The following KCNK17 variants were observed in gnomAD, a reference collection of about 807,000 sequenced individuals.
KCNK17 encodes the protein potassium channel subfamily K member 17.
KCNK17 carries 27 observed loss-of-function variants against 24.6 expected under a neutral mutation model. The ratio of observed to expected loss-of-function variants is 1.10; its 90% CI spans 0.81 to 1.51. KCNK17 has a LOEUF of 1.51. KCNK17 is among the 40% of genes most tolerant of loss of function. The pLI, the probability that KCNK17 is intolerant of heterozygous loss-of-function variation, is 0.00. For missense variants in KCNK17, 450 were observed against 436.6 expected (o/e 1.03, Z -0.27); for synonymous variants, 181 against 189.8 (o/e 0.95, Z 0.38).
At chr6:39,310,441 G>C (rs535584333) in intron 2 of KCNK17, among the ~76,000 whole-genome samples, 2 of 151,846 alleles carry the variant, frequency 1.3e-5, no homozygotes, top group African/African-American at 2.4e-5. Context: ...AGAAACGGGG[G>C]GTCTAAAGCT....
rs1317208517 is a variant in KCNK17, at chr6:39,314,368, G to T, written c.-48C>A. On this transcript the variant is annotated 5_prime_UTR_variant, in exon 1 of 5. Transcript: ENST00000373231. ...CGCCGGGAGCGGTGGACTAGGACCC[G>T]GTGGGAGGGAAGGGCCAGGCGTCCA... 1.5e-6 allele frequency: 2 copies of T among 1,300,578 alleles called. No homozygotes were observed. Among genetic ancestry groups the T allele is most frequent in the Non-Finnish European group, 2.0e-6 (2 of 997,836 alleles). 80.6% of individuals were successfully genotyped at this position (1,300,578 alleles called of 1,614,324 possible). A position where few individuals can be genotyped will look rare whatever the true frequency, so the allele number is the denominator to read the frequency against.
Position 39,304,504 on chromosome 6 carries a change from G to T in KCNK17, c.504C>A (p.Gly168=). 1.2e-6 allele frequency: 2 copies of T among 1,612,390 alleles called. No individual in the cohort carries two copies. The highest frequency in any genetic ancestry group is 1.7e-6 in the Non-Finnish European group (2 of 1,178,654). ...CCAGCAGCCCCCTCACCTGCCAGGT[G>T]CCCCCCAGCCTGCTGGCCCAGTGGT... is the stretch of plus-strand genomic sequence containing the variant. ...GVNHWASRLG[G]TWQDPDKARW... Residue 168 remains glycine (G), a synonymous_variant, in exon 3 of 5, where the codon GGC becomes GGA. Transcript: ENST00000373231.
In KCNK17 at chr6:39,299,105, T is replaced by C; in HGVS notation, c.*322A>G. The C allele has an allele frequency of 2.9e-6, 1 of 340,180 alleles. No individual in the cohort carries two copies. Among genetic ancestry groups the C allele is most frequent in the Non-Finnish European group, 5.4e-6 (1 of 185,716 alleles). 21.1% of individuals were successfully genotyped at this position (340,180 alleles called of 1,614,324 possible). A position where few individuals can be genotyped will look rare whatever the true frequency, so the allele number is the denominator to read the frequency against. On this transcript the variant is annotated 3_prime_UTR_variant, in exon 5 of 5. Coordinates refer to ENST00000373231, the MANE Select transcript of KCNK17 (RefSeq NM_031460.4). Reference sequence around the variant, plus strand: ...GATCATCAGAGATCCAGACTCTTCCTATCTTATTGTGCCGCTCAAACATTG... The same window carrying C: ...GATCATCAGAGATCCAGACTCTTCCCATCTTATTGTGCCGCTCAAACATTG...
intron 4 of KCNK17, among the ~76,000 whole-genome samples, chr6:39,303,200 C>G (rs1049838807): frequency 6.6e-5 from 10 of 152,184 alleles, no homozygotes; most frequent in African/African-American, 2.4e-4. Flanking sequence ...AGGGCAAGGC[C>G]TCCTCCCCAC....
chr6:39,304,453 C>T, intron 3 of KCNK17, 42 bp downstream of exon 3: 1 of 1,555,516 alleles, frequency 6.4e-7, no homozygotes, highest in Non-Finnish European at 8.9e-7. Context: ...GCCCCTCATT[C>T]TAGAAGTGAC....
At position 39,304,079 on chromosome 6, in the gene KCNK17, AG is replaced by A. The variant is rs779466744; in HGVS notation, c.565del (p.Leu189SerfsTer40). 1.8e-4 allele frequency: 285 copies of A among 1,612,612 alleles called. 1 individual carries two copies. The African/African-American group carries it at 3.3e-3, about 19-fold the overall frequency. ...LAGSGALLSG[L>X]LLFLLLPPLL... ...CGGTGGCAGCAGCAGGAAGAGCAGG[AG>A]GCCCGAGAGGAGGGCGCCAGAGCCC... On this transcript the variant is annotated frameshift_variant, in exon 4 of 5. Coordinates refer to ENST00000373231, the MANE Select transcript of KCNK17 (RefSeq NM_031460.4). LOFTEE classifies it high-confidence loss of function.
chr6:39,300,249 A>G, intron 4 of KCNK17: 3 of 540,096 alleles, frequency 5.6e-6, no homozygotes. Context: ...CAGCCTCCCG[A>G]GTAGCCGGGA....
intron 4 of KCNK17, among the ~76,000 whole-genome samples, chr6:39,301,093 C>T (rs1761944396): frequency 6.6e-6 from 1 of 152,186 alleles, no homozygotes; most frequent in African/African-American, 2.4e-5. Context: ...TTGCTTGTTT[C>T]ACTCACCATC....
chr6:39,314,294 A>T lies in KCNK17; in HGVS notation c.27T>A (p.Ala9=). 6.8e-7 allele frequency: 1 copy of T among 1,466,090 alleles called. No individual in the cohort carries two copies. Among genetic ancestry groups the T allele is most frequent in the South Asian group, 1.3e-5 (1 of 74,684 alleles). The allele number at this position is 1,466,090 out of a possible 1,614,324, so 90.8% of individuals were successfully genotyped here. MYRPRARA[A]PEGRVRGCAV... ...CGCAGCCCCGGACCCTGCCCTCGGG[A>T]GCCGCCCGGGCTCGCGGTCGGTACA... The change falls in exon 1 of 5, where the codon GCT becomes GCA. Residue 9 remains alanine, a synonymous_variant. Transcript: ENST00000373231.
chr6:39,300,314 G>A lies in KCNK17; in HGVS notation c.689-577C>T, dbSNP rs374520023. 4.4e-6 allele frequency: 3 copies of A among 680,950 alleles called. No homozygotes were observed. The African/African-American group carries it at 5.4e-5, about 12-fold the overall frequency. The allele number at this position is 680,950 out of a possible 1,614,324, so 42.2% of individuals were successfully genotyped here. ...TTTTTTTGTATTTTAGTAGAGACGG[G>A]GTTTCACCATTGTTGCCCAGGCTGG... On this transcript the variant is annotated intron_variant, in intron 4 of 4. Coordinates refer to ENST00000373231, the MANE Select transcript of KCNK17 (RefSeq NM_031460.4).
At chr6:39,305,112 A>G (rs554975674) in intron 2 of KCNK17, among the ~76,000 whole-genome samples, 1 of 152,338 alleles carries the variant, frequency 6.6e-6, no homozygotes, top group East Asian at 1.9e-4. Context: ...ATGCTTGGGC[A>G]CAGTGGGGCA....
chr6:39,302,137 C>T (rs904359255), intron 4 of KCNK17, among the ~76,000 whole-genome samples: 1 of 152,190 alleles, frequency 6.6e-6, no homozygotes, highest in Admixed American at 6.5e-5. Context: ...CGAGGCACTG[C>T]CATGACTGCA....
At chr6:39,313,985 T>A (rs376072815) in intron 1 of KCNK17, 99 bp downstream of exon 1, 1 of 917,274 alleles carries the variant, frequency 1.1e-6, no homozygotes, top group South Asian at 1.9e-5. Context: ...AGGAAACACC[T>A]GACCAGGGCC....
Position 39,299,707 on chromosome 6 carries a change from C to T in KCNK17, c.719G>A (p.Trp240Ter), listed in dbSNP as rs772960393. The part of the protein sequence containing the change: ...GMNPSQRYPL[W>*]YKNMVSLWIL... ...CCACAGGGACACCATGTTCTTGTAC[C>T]ACAGTGGGTACCTCTGGGAGGGGTT... Residue 240 changes from tryptophan to a stop codon, truncating the protein, a stop_gained, in exon 5 of 5, where the codon TGG (tryptophan) becomes TAG (stop). Transcript: ENST00000373231. LOFTEE classifies it low-confidence loss of function (END_TRUNC). The T allele has an allele frequency of 3.7e-6, 6 of 1,614,126 alleles. No homozygotes were observed. The highest frequency in any genetic ancestry group is 5.1e-6 in the Non-Finnish European group (6 of 1,180,018).
intron 1 of KCNK17, among the ~76,000 whole-genome samples, chr6:39,313,418 C>G (rs1045639671): frequency 6.6e-6 from 1 of 152,208 alleles, no homozygotes; most frequent in Admixed American, 6.5e-5. Flanking sequence ...GCCCTCCTCT[C>G]GAACCCGGGT....
At chr6:39,311,086 AC>A in intron 1 of KCNK17, 79 bp from the exon 2 acceptor site, 3 of 386,724 alleles carry the variant, frequency 7.8e-6, no homozygotes, top group South Asian at 4.2e-5. Context: ...ACACACACAC[AC>A]ACACACACAC....
chr6:39,314,307 C>G lies in KCNK17; in HGVS notation c.14G>C (p.Arg5Pro). 3.4e-6 allele frequency: 5 copies of G among 1,458,082 alleles called. No homozygotes were observed. Among genetic ancestry groups the G allele is most frequent in the Non-Finnish European group, 4.5e-6 (5 of 1,109,008 alleles). 90.3% of individuals were successfully genotyped at this position (1,458,082 alleles called of 1,614,324 possible). MYRP[R>P]ARAAPEGRVR... ...CCTGCCCTCGGGAGCCGCCCGGGCTCGCGGTCGGTACATAGCGGGAGAGGC... is the reference window on the plus strand; with the variant it reads ...CCTGCCCTCGGGAGCCGCCCGGGCTGGCGGTCGGTACATAGCGGGAGAGGC... Residue 5 changes from arginine to proline, a missense_variant, in exon 1 of 5, where the codon CGA becomes CCA. By Grantham distance (103) the Arg-to-Pro change is moderately radical. Coordinates refer to ENST00000373231, the MANE Select transcript of KCNK17 (RefSeq NM_031460.4).
At chr6:39,313,024 G>A (rs1274266220) in intron 1 of KCNK17, among the ~76,000 whole-genome samples, 3 of 152,200 alleles carry the variant, frequency 2.0e-5, no homozygotes, top group Non-Finnish European at 2.9e-5. Flanking sequence ...GATTGGCTTT[G>A]GACTGGAGAC....
Position 39,314,137 on chromosome 6 carries a change from G to T in KCNK17, c.184C>A (p.Leu62Met), listed in dbSNP as rs1276961191. Residue 62 changes from leucine to methionine, a missense_variant, in exon 1 of 5, where the codon CTG (leucine) becomes ATG (methionine). Leu to Met is a conservative substitution (Grantham distance 15, BLOSUM62 2). Transcript: ENST00000373231. ...TCCAGACACGTGAAGTTCTGCAACAGCTCCCACTTGTCGCGCTGGAAGCTG... is the reference window on the plus strand; with the variant it reads ...TCCAGACACGTGAAGTTCTGCAACATCTCCCACTTGTCGCGCTGGAAGCTG... ...SRSFQRDKWE[L>M]LQNFTCLDRP... The T allele has an allele frequency of 6.3e-7, 1 of 1,594,068 alleles. No homozygotes were observed. The highest frequency in any genetic ancestry group is 8.5e-7 in the Non-Finnish European group (1 of 1,173,390).
Sources: gnomAD v4.1 joint callset for allele counts (sites outside exome capture counted in the v4.1 genomes callset) on GRCh38, gnomAD v4.1.1 for gene constraint, MANE v1.5 for transcripts, NCBI Gene and HGNC (gene_info 2026-07-23, HGNC 2026-07-21) for gene names.